The following TRPM3 variants were observed in gnomAD, a reference collection of about 807,000 sequenced individuals.
The protein encoded by TRPM3 is transient receptor potential cation channel subfamily M member 3.
TRPM3 carries 77 observed loss-of-function variants against 181.2 expected under a neutral mutation model. That is an observed-to-expected ratio of 0.42 (90% CI 0.35 to 0.51). The LOEUF (loss-of-function observed/expected upper bound fraction) is 0.51, where lower values mean the gene tolerates loss of function less well. Ranked by LOEUF, TRPM3 falls within the 20% of genes least tolerant of loss-of-function variation. The probability of loss-of-function intolerance (pLI) is 0.01; values close to 1 mark genes in which losing one functional copy is unlikely to be tolerated. For missense variants in TRPM3, 1,759 were observed against 2,196.7 expected, an observed-to-expected ratio of 0.80 and a Z score of 3.98; for synonymous variants, 745 against 796.4, an observed-to-expected ratio of 0.94 and a Z score of 1.09.
intron 1 of TRPM3, among the ~76,000 whole-genome samples, chr9:71,407,438 C>T (rs2093458625): frequency 6.6e-6 from 1 of 152,222 alleles, no homozygotes; most frequent in African/African-American, 2.4e-5. Flanking sequence ...CTGTGGATGG[C>T]TTGGTGGGTC....
chr9:70,641,801 C>G (rs929770286), intron 9 of TRPM3, among the ~76,000 whole-genome samples: 2 of 152,080 alleles, frequency 1.3e-5, no homozygotes, highest in African/African-American at 4.8e-5. Context: ...TGCCAAGCAG[C>G]TGGAGGGGAA....
chr9:71,435,700 A>C (rs2094022140), intron 1 of TRPM3, among the ~76,000 whole-genome samples: 1 of 152,248 alleles, frequency 6.6e-6, no homozygotes, highest in African/African-American at 2.4e-5. Context: ...GGAAGGCAGA[A>C]TAATAACCTC....
intron 1 of TRPM3, among the ~76,000 whole-genome samples, chr9:70,878,601 T>G (rs2095916995): frequency 2.0e-5 from 3 of 152,146 alleles, no homozygotes; most frequent in Admixed American, 2.0e-4. Context: ...AAACTGATAC[T>G]TTTATAACAT....
intron 1 of TRPM3, among the ~76,000 whole-genome samples, chr9:70,949,854 T>C (rs1451791168): frequency 1.3e-5 from 2 of 152,172 alleles, no homozygotes; most frequent in Non-Finnish European, 2.9e-5. Flanking sequence ...TTTCTAGTGG[T>C]GGAAATCACC....
In TRPM3 at chr9:70,962,248, T is replaced by C. The variant is rs760866735; in HGVS notation, c.178-97737A>G. 9.0e-4 allele frequency among the ~76,000 whole-genome samples: 137 copies of C among 152,124 alleles called. 1 individual carries two copies. Among genetic ancestry groups the C allele is most frequent in the Non-Finnish European group, 1.9e-4 (13 of 67,994 alleles). On this transcript the variant is annotated intron_variant, in intron 1 of 25. Coordinates refer to ENST00000677713, the MANE Select transcript of TRPM3 (RefSeq NM_001366145.2). ...AGTAAGGTTATAGGGGAGAGTGTCA[T>C]AGACTCCCATTAGTTTTTCCACCAA...
At chr9:71,277,098 CTAAG>C (rs2132164936) in intron 1 of TRPM3, among the ~76,000 whole-genome samples, 1 of 151,970 alleles carries the variant, frequency 6.6e-6, no homozygotes, top group East Asian at 1.9e-4. Flanking sequence ...ACAGATACAA[CTAAG>C]TAATATTTAG....
intron 6 of TRPM3, among the ~76,000 whole-genome samples, chr9:70,788,916 T>C (rs2084614068): frequency 6.6e-6 from 1 of 152,150 alleles, no homozygotes; most frequent in Non-Finnish European, 1.5e-5. Flanking sequence ...GGAGTGACTG[T>C]AAATACAGAT....
chr9:70,678,197 G>A (rs77318856), intron 9 of TRPM3, among the ~76,000 whole-genome samples: 3,885 of 152,178 alleles, frequency 0.026, 164 homozygotes, highest in African/African-American at 0.09. Context: ...AAAGCTACTC[G>A]AGGTCATCAG....
intron 1 of TRPM3, among the ~76,000 whole-genome samples, chr9:71,028,629 TG>T (rs1264793664): frequency 1.8e-5 from 2 of 112,282 alleles, no homozygotes; most frequent in East Asian, 2.5e-4. Flanking sequence ...ATCTACCAAA[TG>T]AAAAAAAAAA....
At chr9:70,976,149 C>T (rs893620845) in intron 1 of TRPM3, among the ~76,000 whole-genome samples, 11 of 152,088 alleles carry the variant, frequency 7.2e-5, no homozygotes, top group African/African-American at 2.4e-4. Context: ...CTGGACAGTA[C>T]GGGGAAGGAG....
intron 1 of TRPM3, among the ~76,000 whole-genome samples, chr9:70,964,432 A>C (rs1160343797): frequency 1.3e-5 from 2 of 152,098 alleles, no homozygotes; most frequent in African/African-American, 4.8e-5. Flanking sequence ...TGAAGGCAAC[A>C]ATCTCAGTAT....
Position 70,615,977 on chromosome 9 carries a change from G to A in TRPM3, c.2457C>T (p.Leu819=), listed in dbSNP as rs1435953909. 3 of 1,613,088 alleles carry A rather than the reference G, an allele frequency of 1.9e-6. No homozygotes were observed. In the South Asian group the frequency reaches 3.3e-5, roughly 18 times the overall value. ...CTGGTTCTTCTGCCTCCTTCTCTTGGAGGTGGATTTCCTGGGCCTGAGACA... is the reference window on the plus strand; with the variant it reads ...CTGGTTCTTCTGCCTCCTTCTCTTGAAGGTGGATTTCCTGGGCCTGAGACA... ...PYMSQAQEIH[L]QEKEAEEPEK... Residue 819 remains leucine, a synonymous_variant, in exon 18 of 26, where the codon CTC becomes CTT. Coordinates refer to ENST00000677713, the MANE Select transcript of TRPM3 (RefSeq NM_001366145.2).
chr9:71,023,154 A>G (rs1226524694), intron 1 of TRPM3, among the ~76,000 whole-genome samples: 1 of 152,204 alleles, frequency 6.6e-6, no homozygotes, highest in East Asian at 1.9e-4. Context: ...GTAAAAAAAT[A>G]AACAATTCAA....
chr9:70,852,420 AG>A (rs1169745580), intron 3 of TRPM3, among the ~76,000 whole-genome samples: 2 of 152,076 alleles, frequency 1.3e-5, no homozygotes, highest in African/African-American at 4.8e-5. Context: ...TTTACCTCAA[AG>A]GTGTAAATGG....
chr9:71,422,714 A>G (rs1010590813), intron 1 of TRPM3, among the ~76,000 whole-genome samples: 8 of 152,076 alleles, frequency 5.3e-5, no homozygotes, highest in Non-Finnish European at 1.2e-4. Context: ...AACTCCTGTC[A>G]TATCGTTATG....
chr9:71,274,801 A>G (rs2084068721), intron 1 of TRPM3, among the ~76,000 whole-genome samples: 1 of 152,236 alleles, frequency 6.6e-6, no homozygotes, highest in Non-Finnish European at 1.5e-5. Flanking sequence ...AGCTTCTAGT[A>G]TGTTTTGTGA....
At chr9:71,023,515 C>CA (rs1182621602) in intron 1 of TRPM3, among the ~76,000 whole-genome samples, 1 of 151,864 alleles carries the variant, frequency 6.6e-6, no homozygotes, top group Non-Finnish European at 1.5e-5. Flanking sequence ...TAAGTTCACC[C>CA]AAAAAAACCT....
At chr9:71,150,746 C>T (rs1237390572) in intron 1 of TRPM3, among the ~76,000 whole-genome samples, 3 of 151,964 alleles carry the variant, frequency 2.0e-5, no homozygotes, top group Admixed American at 2.0e-4. Flanking sequence ...TAGACCTATA[C>T]AAATATGTTT....
At chr9:70,840,273 A>G (rs2094556089) in intron 5 of TRPM3, among the ~76,000 whole-genome samples, 1 of 152,180 alleles carries the variant, frequency 6.6e-6, no homozygotes. Flanking sequence ...TTTTAAGGGA[A>G]GAAGGTAACA....
Sources: allele counts gnomAD v4.1 joint callset (sites outside exome capture counted in the v4.1 genomes callset), GRCh38; gene constraint gnomAD v4.1.1; transcripts MANE v1.5; gene names NCBI Gene and HGNC (gene_info 2026-07-23, HGNC 2026-07-21).